Variants in GRIA3 observed in about 807,000 individuals in gnomAD.
GRIA3 encodes the protein glutamate ionotropic receptor AMPA type subunit 3.
A neutral mutation model predicts 63.0 loss-of-function variants in GRIA3; 3 were observed. The ratio of observed to expected loss-of-function variants is 0.05; its 90% CI spans 0.02 to 0.12. The LOEUF is 0.12. Ranked by LOEUF, GRIA3 falls within the 10% of genes least tolerant of loss-of-function variation. The pLI, the probability that GRIA3 is intolerant of heterozygous loss-of-function variation, is 1.00. For synonymous variants in GRIA3, 274 were observed against 257.9 expected, an observed-to-expected ratio of 1.06 and a Z score of -0.60; for missense variants, 347 against 700.9, an observed-to-expected ratio of 0.50 and a Z score of 5.70.
chrX:123,343,495 G>A (rs954471139), intron 4 of GRIA3, among the ~76,000 whole-genome samples: 8 of 110,453 alleles, frequency 7.2e-5, no homozygotes, highest in Admixed American at 5.8e-4. Flanking sequence ...AGGCAATCTG[G>A]ACTTTTCTTC....
At chrX:123,464,784 T>A in intron 12 of GRIA3, 81 bp from the exon 13 acceptor site, 2 of 762,009 alleles carry the variant, frequency 2.6e-6, no homozygotes, top group Non-Finnish European at 3.7e-6. Flanking sequence ...GGATTGCAAT[T>A]AAAAAAAAAA....
At chrX:123,247,894 G>A (rs183482212) in intron 2 of GRIA3, among the ~76,000 whole-genome samples, 147 of 111,264 alleles carry the variant, frequency 1.3e-3, no homozygotes, top group African/African-American at 4.3e-3. Flanking sequence ...AGGTGAAGCT[G>A]ATATACTTCA....
intron 3 of GRIA3, among the ~76,000 whole-genome samples, chrX:123,274,629 A>G (rs998571170): frequency 4.5e-5 from 5 of 112,307 alleles, no homozygotes; most frequent in Non-Finnish European, 9.4e-5. Flanking sequence ...GGCAAATGCC[A>G]GCCCCTGTGT....
intron 2 of GRIA3, among the ~76,000 whole-genome samples, chrX:123,188,839 T>C (rs1291772148): frequency 8.9e-6 from 1 of 111,876 alleles, no homozygotes; most frequent in Non-Finnish European, 1.9e-5. Flanking sequence ...ACACAAAGAA[T>C]AAACAAAGGG....
intron 12 of GRIA3, among the ~76,000 whole-genome samples, chrX:123,439,732 T>C (rs2045663197): frequency 9.0e-6 from 1 of 111,099 alleles, no homozygotes; most frequent in African/African-American, 3.3e-5. Context: ...TAAGCAAAAA[T>C]AGTCTGTTAG....
chrX:123,382,768 T>G (rs183647973), intron 5 of GRIA3, among the ~76,000 whole-genome samples: 246 of 112,442 alleles, frequency 2.2e-3, no homozygotes, highest in African/African-American at 7.7e-3. Flanking sequence ...CTCTTAGGCC[T>G]TAAGGCAGAA....
chrX:123,457,329 G>A (rs1409474296), intron 12 of GRIA3, among the ~76,000 whole-genome samples: 1 of 111,472 alleles, frequency 9.0e-6, no homozygotes, highest in Non-Finnish European at 1.9e-5. Context: ...CAGAAAAGGG[G>A]TACAAGTTAT....
chrX:123,396,806 CA>C (rs1380804864), intron 6 of GRIA3, among the ~76,000 whole-genome samples: 1 of 112,219 alleles, frequency 8.9e-6, no homozygotes, highest in Non-Finnish European at 1.9e-5. Flanking sequence ...ATGCATATTG[CA>C]TTACATTTAG....
intron 3 of GRIA3, among the ~76,000 whole-genome samples, chrX:123,284,037 C>T (rs910887904): frequency 1.8e-5 from 2 of 112,800 alleles, no homozygotes; most frequent in African/African-American, 6.4e-5. Context: ...TGGGACGAAT[C>T]TTCCACAGGA....
At chrX:123,419,010 C>T (rs1030014210) in intron 11 of GRIA3, among the ~76,000 whole-genome samples, 9 of 112,131 alleles carry the variant, frequency 8.0e-5, no homozygotes, top group Non-Finnish European at 7.5e-5. Context: ...TCTATCAACT[C>T]GTGAATAAAT....
intron 12 of GRIA3, among the ~76,000 whole-genome samples, chrX:123,439,400 A>G (rs982470223): frequency 1.8e-5 from 2 of 111,441 alleles, no homozygotes; most frequent in Admixed American, 9.5e-5. Context: ...CCTAATGAAG[A>G]TGTCCCTGAA....
intron 4 of GRIA3, among the ~76,000 whole-genome samples, chrX:123,336,611 A>G (rs1388417167): frequency 2.7e-5 from 3 of 111,329 alleles, no homozygotes; most frequent in Non-Finnish European, 5.6e-5. Flanking sequence ...ACTATTACAT[A>G]TATATATTTA....
intron 13 of GRIA3, among the ~76,000 whole-genome samples, chrX:123,468,677 C>T (rs1203586088): frequency 1.8e-5 from 2 of 112,658 alleles, no homozygotes; most frequent in Non-Finnish European, 3.8e-5. Flanking sequence ...GCAGGACTTG[C>T]TTTACTCATT....
At chrX:123,246,683 G>A (rs961813829) in intron 2 of GRIA3, among the ~76,000 whole-genome samples, 27 of 110,123 alleles carry the variant, frequency 2.5e-4, no homozygotes, top group African/African-American at 8.6e-4. Context: ...CCTAATTCAG[G>A]GACTTTGGGA....
At chrX:123,308,802 G>A (rs1269968669) in intron 3 of GRIA3, among the ~76,000 whole-genome samples, 1 of 112,189 alleles carries the variant, frequency 8.9e-6, no homozygotes, top group Non-Finnish European at 1.9e-5. Context: ...GCTGTGATCT[G>A]CATCAGTGGT....
intron 5 of GRIA3, among the ~76,000 whole-genome samples, chrX:123,382,605 C>G (rs1398804185): frequency 9.0e-6 from 1 of 111,371 alleles, no homozygotes; most frequent in African/African-American, 3.3e-5. Flanking sequence ...GTGTATGCGG[C>G]AGGATGAAGC....
At chrX:123,275,036 T>G (rs1383657337) in intron 3 of GRIA3, among the ~76,000 whole-genome samples, 1 of 110,731 alleles carries the variant, frequency 9.0e-6, no homozygotes, top group Non-Finnish European at 1.9e-5. Flanking sequence ...ACACAAACAG[T>G]AGACTGACTC....
chrX:123,288,879 G>A (rs941123152), intron 3 of GRIA3, among the ~76,000 whole-genome samples: 8 of 111,884 alleles, frequency 7.2e-5, no homozygotes, highest in African/African-American at 2.6e-4. Context: ...CAAGGATCTA[G>A]AACCAGAAAT....
At chrX:123,449,176 G>T (rs2045717702) in intron 12 of GRIA3, among the ~76,000 whole-genome samples, 1 of 112,028 alleles carries the variant, frequency 8.9e-6, no homozygotes, top group African/African-American at 3.2e-5. Context: ...GTGACTAGGT[G>T]GCTTCTCCAC....
Sources: gnomAD v4.1 joint callset for allele counts (sites outside exome capture counted in the v4.1 genomes callset) on GRCh38, gnomAD v4.1.1 for gene constraint, MANE v1.5 for transcripts, NCBI Gene and HGNC (gene_info 2026-07-23, HGNC 2026-07-21) for gene names.